Variants in PLA2G2C observed in about 807,000 individuals in gnomAD.
PLA2G2C encodes the protein putative inactive group IIC secretory phospholipase A2.
A neutral mutation model predicts 14.3 loss-of-function variants in PLA2G2C; 15 were observed. The ratio of observed to expected loss-of-function variants is 1.05; its 90% CI spans 0.70 to 1.62. The LOEUF (loss-of-function observed/expected upper bound fraction) is 1.62. Ranked by LOEUF, PLA2G2C falls within the 40% of genes most tolerant of loss-of-function variation. The pLI, the probability that PLA2G2C is intolerant of heterozygous loss-of-function variation, is 0.00. For missense variants in PLA2G2C, 162 were observed against 173.2 expected, an observed-to-expected ratio of 0.94 and a Z score of 0.36; for synonymous variants, 79 against 67.7, an observed-to-expected ratio of 1.17 and a Z score of -0.82.
At chr1:20,166,950 G>C (rs761778779) in intron 4 of PLA2G2C, among the ~76,000 whole-genome samples, 1 of 152,202 alleles carries the variant, frequency 6.6e-6, no homozygotes, top group Non-Finnish European at 1.5e-5. Context: ...GTCTTTGGAG[G>C]CCACCTTTTA....
intron 4 of PLA2G2C, among the ~76,000 whole-genome samples, 170 bp downstream of exon 4, chr1:20,172,624 A>C (rs1454855325): frequency 6.6e-6 from 1 of 152,144 alleles, no homozygotes; most frequent in Non-Finnish European, 1.5e-5. Flanking sequence ...GGGCAGGATG[A>C]GCACGGACAC....
intron 4 of PLA2G2C, among the ~76,000 whole-genome samples, chr1:20,171,370 T>C (rs1295932383): frequency 6.6e-6 from 1 of 152,226 alleles, no homozygotes; most frequent in Non-Finnish European, 1.5e-5. Flanking sequence ...GTCAACCACG[T>C]GCTGGTGGCA....
intron 4 of PLA2G2C, among the ~76,000 whole-genome samples, chr1:20,171,196 A>G (rs1162841008): frequency 1.0e-5 from 1 of 95,726 alleles, no homozygotes; most frequent in Non-Finnish European, 2.2e-5. Context: ...CCCTCTCCCC[A>G]TCCCTCCCAC....
chr1:20,170,333 C>T (rs571652767), intron 4 of PLA2G2C, among the ~76,000 whole-genome samples: 131 of 152,346 alleles, frequency 8.6e-4, no homozygotes, highest in African/African-American at 2.8e-3. Context: ...AAACTCATCC[C>T]CTCTGTGGGT....
intron 4 of PLA2G2C, among the ~76,000 whole-genome samples, chr1:20,167,124 C>T (rs1173636910): frequency 1.3e-5 from 2 of 152,198 alleles, no homozygotes; most frequent in African/African-American, 4.8e-5. Context: ...GTGGCTGTCC[C>T]AGGCCCCAGT....
intron 1 of PLA2G2C, among the ~76,000 whole-genome samples, chr1:20,182,059 C>T (rs992794609): frequency 1.3e-5 from 2 of 152,182 alleles, no homozygotes; most frequent in African/African-American, 4.8e-5. Context: ...GGTGAAAATA[C>T]TTGGTCAACA....
intron 1 of PLA2G2C, among the ~76,000 whole-genome samples, chr1:20,179,201 T>G (rs931387843): frequency 1.4e-5 from 2 of 142,106 alleles, no homozygotes; most frequent in African/African-American, 5.7e-5. Flanking sequence ...TTCCCCTCTA[T>G]GTCAGTTTCT....
chr1:20,183,494 G>A (rs2018309135), intron 1 of PLA2G2C, among the ~76,000 whole-genome samples: 1 of 152,222 alleles, frequency 6.6e-6, no homozygotes. Context: ...GGGGAACCCT[G>A]AGGCTCCACT....
rs773117412 is a variant in PLA2G2C, at chr1:20,163,957, G to A, written c.*34C>T. 1.3e-6 allele frequency: 2 copies of A among 1,595,356 alleles called. No individual in the cohort carries two copies. ...TTCCTGGAAGAGCAACACTAGAGCG[G>A]ATGCTGGATGATGAGAGGGACCCTG... On this transcript the variant is annotated 3_prime_UTR_variant, in exon 5 of 5. Transcript: ENST00000679259.
intron 2 of PLA2G2C, among the ~76,000 whole-genome samples, chr1:20,176,240 T>C (rs2018181904): frequency 6.6e-6 from 1 of 152,026 alleles, no homozygotes; most frequent in Non-Finnish European, 1.5e-5. Flanking sequence ...CCCTTCCTAT[T>C]ATGGTGTTTT....
At chr1:20,181,088 G>A (rs896586961) in intron 1 of PLA2G2C, among the ~76,000 whole-genome samples, 2 of 152,182 alleles carry the variant, frequency 1.3e-5, no homozygotes, top group African/African-American at 4.8e-5. Flanking sequence ...TCACACTTAT[G>A]CCTTGCAGGG....
chr1:20,185,058 C>G (rs148120642), intron 1 of PLA2G2C, among the ~76,000 whole-genome samples: 2 of 152,230 alleles, frequency 1.3e-5, no homozygotes, highest in African/African-American at 4.8e-5. Flanking sequence ...GGAGGCTGAG[C>G]TGGGGAGGTC....
intron 4 of PLA2G2C, among the ~76,000 whole-genome samples, chr1:20,166,433 T>C (rs2017981240): frequency 6.6e-6 from 1 of 152,156 alleles, no homozygotes; most frequent in African/African-American, 2.4e-5. Context: ...CCCTCCTGCC[T>C]CTGTGAAGAT....
At chr1:20,179,521 C>CTGTGTG (rs35039220) in intron 1 of PLA2G2C, among the ~76,000 whole-genome samples, 156 of 136,512 alleles carry the variant, frequency 1.1e-3, no homozygotes, top group African/African-American at 3.5e-3. Context: ...ATGTCAGTTT[C>CTGTGTG]TGTGTGTGTG....
chr1:20,183,685 G>A (rs1386241275), intron 1 of PLA2G2C, among the ~76,000 whole-genome samples: 4 of 152,220 alleles, frequency 2.6e-5, no homozygotes, highest in Admixed American at 2.0e-4. Context: ...CTTCACGGAA[G>A]AGGTGGCTTT....
chr1:20,173,610 T>C (rs367644493), intron 3 of PLA2G2C, among the ~76,000 whole-genome samples: 10 of 152,302 alleles, frequency 6.6e-5, no homozygotes, highest in African/African-American at 2.2e-4. Context: ...CAACTGTCTG[T>C]AAAAGCCGAC....
chr1:20,168,153 C>G (rs1055208049), intron 4 of PLA2G2C, among the ~76,000 whole-genome samples: 1 of 152,220 alleles, frequency 6.6e-6, no homozygotes, highest in African/African-American at 2.4e-5. Context: ...GGTTCTTGGG[C>G]CAAATATGCT....
chr1:20,179,672 T>A (rs533680043), intron 1 of PLA2G2C, among the ~76,000 whole-genome samples: 3 of 148,836 alleles, frequency 2.0e-5, no homozygotes, highest in Admixed American at 1.3e-4. Context: ...CTTCTCCCTC[T>A]ATGTCAGTTT....
intron 1 of PLA2G2C, among the ~76,000 whole-genome samples, chr1:20,183,244 G>A (rs1246323756): frequency 1.3e-5 from 2 of 152,192 alleles, no homozygotes; most frequent in African/African-American, 4.8e-5. Flanking sequence ...GACATCCAGC[G>A]AAGGTAAATC....
Sources: gnomAD v4.1 joint callset for allele counts (sites outside exome capture counted in the v4.1 genomes callset) on GRCh38, gnomAD v4.1.1 for gene constraint, MANE v1.5 for transcripts, NCBI Gene and HGNC (gene_info 2026-07-23, HGNC 2026-07-21) for gene names.